The following CEBPD variants were observed in gnomAD, a reference collection of about 807,000 sequenced individuals.
The protein encoded by CEBPD is CCAAT enhancer binding protein delta, also known as CCAAT/enhancer-binding protein delta.
For missense variants in CEBPD, 410 were observed against 409.4 expected (o/e 1.00, Z -0.01); for synonymous variants, 227 against 194.8 (o/e 1.17, Z -1.38).
Position 47,737,041 on chromosome 8 carries a change from T to C in CEBPD, c.*270A>G, listed in dbSNP as rs2086262558. ...CTGAAAAGTCTGGTTTTTTTTCTTT[T>C]TACAAATGTACCTTAGCTGCATCAA... On this transcript the variant is annotated 3_prime_UTR_variant, in exon 1 of 1. Transcript: ENST00000408965. 1 of 399,608 alleles carries C rather than the reference T, an allele frequency of 2.5e-6. No homozygotes were observed. 24.8% of individuals were successfully genotyped at this position (399,608 alleles called of 1,614,324 possible).
In CEBPD at chr8:47,737,593, G is replaced by C; in HGVS notation, c.528C>G (p.Pro176=). The change falls in exon 1 of 1, where the codon CCC becomes CCG. Residue 176 remains proline, a synonymous_variant. Transcript: ENST00000408965. ...SSPRQTPAPG[P]AREKSAGKRG... is the part of the protein sequence containing the mutation. The stretch of plus-strand genomic sequence containing the variant: ...TCTTGCCGGCGCTCTTCTCCCGGGC[G>C]GGGCCGGGCGCGGGGGTCTGCCTGG... 1 of 1,476,556 alleles carries C rather than the reference G, an allele frequency of 6.8e-7. No homozygotes were observed. The highest frequency in any genetic ancestry group is 1.4e-5 in the South Asian group (1 of 73,494). The allele number at this position is 1,476,556 out of a possible 1,614,324, so 91.5% of individuals were successfully genotyped here.
In CEBPD at chr8:47,738,147, C is replaced by T. The variant is rs1392612833; in HGVS notation, c.-27G>A. 6 of 1,162,086 alleles carry T rather than the reference C, an allele frequency of 5.2e-6. No individual in the cohort carries two copies. Among genetic ancestry groups the T allele is most frequent in the Non-Finnish European group, 6.4e-6 (6 of 943,074 alleles). 72.0% of individuals were successfully genotyped at this position (1,162,086 alleles called of 1,614,324 possible). A position where few individuals can be genotyped will look rare whatever the true frequency, so the allele number is the denominator to read the frequency against. The stretch of plus-strand genomic sequence containing the variant: ...GCGGCGTCGGGCCGGGCTCTGCGTC[C>T]AAGCGAGGCTGTCACCTCGCTGGGC... On this transcript the variant is annotated 5_prime_UTR_variant, in exon 1 of 1. Transcript: ENST00000408965. The surrounding 1 kb of genome is among the most constrained non-coding windows in gnomAD (Gnocchi z 4.1).
In CEBPD at chr8:47,737,817, G is replaced by C; in HGVS notation, c.304C>G (p.Pro102Ala). Residue 102 changes from proline (P) to alanine (A), a missense_variant, in exon 1 of 1, where the codon CCC becomes GCC. Pro to Ala is a conservative substitution (Grantham distance 27, BLOSUM62 -1). Coordinates refer to ENST00000408965, the MANE Select transcript of CEBPD (RefSeq NM_005195.4). ...AGGAGPLELL[P>A]GGPARPLGPG... ...CCCAAGGGGCGCGCGGGGCCGCCGG[G>C]AAGAAGCTCCAGGGGCCCCGCGCCG... 8.6e-6 allele frequency: 12 copies of C among 1,393,292 alleles called. No individual in the cohort carries two copies. The highest frequency in any genetic ancestry group is 1.1e-5 in the Non-Finnish European group (12 of 1,075,472). The allele number at this position is 1,393,292 out of a possible 1,614,324, so 86.3% of individuals were successfully genotyped here.
Position 47,737,611 on chromosome 8 carries a change from C to A in CEBPD, c.510G>T (p.Gln170His). The change falls in exon 1 of 1, where the codon CAG becomes CAT. Residue 170 changes from glutamine (Q) to histidine (H), a missense_variant. By Grantham distance (24) the Gln-to-His change is conservative. Transcript: ENST00000408965. Reference protein sequence around the residue: ...SPEPPRSSPRQTPAPGPAREK... With the variant: ...SPEPPRSSPRHTPAPGPAREK... ...CCCGGGCGGGGCCGGGCGCGGGGGT[C>A]TGCCTGGGGCTGCTGCGCGGCGGCT... 8 of 1,339,506 alleles carry A rather than the reference C, an allele frequency of 6.0e-6. No individual in the cohort carries two copies. The highest frequency in any genetic ancestry group is 6.7e-6 in the Non-Finnish European group (7 of 1,051,006). 83.0% of individuals were successfully genotyped at this position (1,339,506 alleles called of 1,614,324 possible).
At position 47,737,619 on chromosome 8, in the gene CEBPD, G is replaced by A. The variant is rs867621033; in HGVS notation, c.502C>T (p.Pro168Ser). The change falls in exon 1 of 1, where the codon CCC becomes TCC. Residue 168 changes from proline to serine, a missense_variant. Physicochemically the swap from Pro to Ser is moderately conservative, Grantham distance 74. Coordinates refer to ENST00000408965, the MANE Select transcript of CEBPD (RefSeq NM_005195.4). Reference sequence around the variant, plus strand: ...GGGCCGGGCGCGGGGGTCTGCCTGGGGCTGCTGCGCGGCGGCTCCGGCGAC... The same window carrying A: ...GGGCCGGGCGCGGGGGTCTGCCTGGAGCTGCTGCGCGGCGGCTCCGGCGAC... Reference protein sequence around the residue: ...PTSPEPPRSSPRQTPAPGPAR... With the variant: ...PTSPEPPRSSSRQTPAPGPAR... The A allele has an allele frequency of 7.6e-7, 1 of 1,309,410 alleles. No homozygotes were observed. Among genetic ancestry groups the A allele is most frequent in the Non-Finnish European group, 9.7e-7 (1 of 1,035,028 alleles). 81.1% of individuals were successfully genotyped at this position (1,309,410 alleles called of 1,614,324 possible).
Position 47,737,700 on chromosome 8 carries a change from C to T in CEBPD, c.421G>A (p.Ala141Thr). The change falls in exon 1 of 1, where the codon GCG (alanine) becomes ACG (threonine). Residue 141 changes from alanine (A) to threonine (T), a missense_variant. Coordinates refer to ENST00000408965, the MANE Select transcript of CEBPD (RefSeq NM_005195.4). ...PGSLLPAQVA[A>T]CAQTVVSLAA... ...AAGCTCACCACGGTCTGTGCGCACG[C>T]GGCCACCTGCGCGGGCAACAGCGAG... The T allele has an allele frequency of 8.2e-7, 1 of 1,214,708 alleles. No homozygotes were observed. The highest frequency in any genetic ancestry group is 1.0e-6 in the Non-Finnish European group (1 of 979,166). 75.2% of individuals were successfully genotyped at this position (1,214,708 alleles called of 1,614,324 possible). A position where few individuals can be genotyped will look rare whatever the true frequency, so the allele number is the denominator to read the frequency against.
Position 47,737,970 on chromosome 8 carries a change from C to A in CEBPD, c.151G>T (p.Ala51Ser), listed in dbSNP as rs746849673. The part of the protein sequence containing the change: ...ALGEPGAAAP[A>S]MYDDESAIDF... Reference sequence around the variant, plus strand: ...ATGGCGCTCTCGTCGTCGTACATGGCGGGGGCGGCGGCGCCTGGCTCGCCT... The same window carrying A: ...ATGGCGCTCTCGTCGTCGTACATGGAGGGGGCGGCGGCGCCTGGCTCGCCT... The change falls in exon 1 of 1, where the codon GCC (alanine) becomes TCC (serine). Residue 51 changes from alanine (A) to serine (S), a missense_variant. Ala to Ser is a moderately conservative substitution (Grantham distance 99). Transcript: ENST00000408965. 1 of 1,474,592 alleles carries A rather than the reference C, an allele frequency of 6.8e-7. No homozygotes were observed. The highest frequency in any genetic ancestry group is 1.3e-5 in the South Asian group (1 of 74,936). 91.3% of individuals were successfully genotyped at this position (1,474,592 alleles called of 1,614,324 possible). A position where few individuals can be genotyped will look rare whatever the true frequency, so the allele number is the denominator to read the frequency against.
At position 47,737,200 on chromosome 8, in the gene CEBPD, T is replaced by C. The variant is rs912953085; in HGVS notation, c.*111A>G. The C allele has an allele frequency of 9.3e-6, 9 of 966,106 alleles. No individual in the cohort carries two copies. Among genetic ancestry groups the C allele is most frequent in the South Asian group, 1.8e-5 (1 of 55,254 alleles). The allele number at this position is 966,106 out of a possible 1,614,324, so 59.8% of individuals were successfully genotyped here. ...TTTGCGCTCCTATGTCCCAAGAAACTGCAGCGGGCACCCGGCGGCTCTGGC... is the reference window on the plus strand; with the variant it reads ...TTTGCGCTCCTATGTCCCAAGAAACCGCAGCGGGCACCCGGCGGCTCTGGC... On this transcript the variant is annotated 3_prime_UTR_variant, in exon 1 of 1. Transcript: ENST00000408965.
rs959819560 is a variant in CEBPD at position 47,737,005 on chromosome 8, A to C, written c.*306T>G. 3.7e-5 allele frequency: 13 copies of C among 352,002 alleles called. No homozygotes were observed. Among genetic ancestry groups the C allele is most frequent in the African/African-American group, 2.3e-4 (11 of 47,468 alleles). 21.8% of individuals were successfully genotyped at this position (352,002 alleles called of 1,614,324 possible). On this transcript the variant is annotated 3_prime_UTR_variant, in exon 1 of 1. Coordinates refer to ENST00000408965, the MANE Select transcript of CEBPD (RefSeq NM_005195.4). ...AGTCTTTTCCTCTTATCTACAATAC[A>C]AAGGGTTTGTCTGAAAAGTCTGGTT...
In CEBPD at chr8:47,737,675, A is replaced by G; in HGVS notation, c.446T>C (p.Leu149Ser). The part of the protein sequence containing the change: ...VAACAQTVVS[L>S]AAAGQPTPPT... Reference sequence around the variant, plus strand: ...CGGGGTGGGCTGCCCTGCGGCCGCCAAGCTCACCACGGTCTGTGCGCACGC... The same window carrying G: ...CGGGGTGGGCTGCCCTGCGGCCGCCGAGCTCACCACGGTCTGTGCGCACGC... The change falls in exon 1 of 1, where the codon TTG (leucine) becomes TCG (serine). Residue 149 changes from leucine (L) to serine (S), a missense_variant. By Grantham distance (145) the Leu-to-Ser change is moderately radical (BLOSUM62 -2). Transcript: ENST00000408965. 1 of 1,241,626 alleles carries G rather than the reference A, an allele frequency of 8.1e-7. No individual in the cohort carries two copies. The highest frequency in any genetic ancestry group is 1.0e-6 in the Non-Finnish European group (1 of 997,078). 76.9% of individuals were successfully genotyped at this position (1,241,626 alleles called of 1,614,324 possible). A position where few individuals can be genotyped will look rare whatever the true frequency, so the allele number is the denominator to read the frequency against.
chr8:47,737,491 G>A lies in CEBPD; in HGVS notation c.630C>T (p.Asp210=), dbSNP rs1335149854. ...RNNIAVRKSR[D]KAKRRNQEMQ... is the part of the protein sequence containing the mutation. ...TCTCCTGGTTGCGCCGCTTGGCCTT[G>A]TCGCGGCTCTTGCGCACGGCGATGT... is the stretch of plus-strand genomic sequence containing the variant. The change falls in exon 1 of 1, where the codon GAC becomes GAT. Residue 210 remains aspartate (D), a synonymous_variant. Coordinates refer to ENST00000408965, the MANE Select transcript of CEBPD (RefSeq NM_005195.4). The A allele has an allele frequency of 6.2e-7, 1 of 1,608,638 alleles. No individual in the cohort carries two copies.
Position 47,737,264 on chromosome 8 carries a change from G to A in CEBPD, c.*47C>T. 6.6e-7 allele frequency: 1 copy of A among 1,506,462 alleles called. No homozygotes were observed. Among genetic ancestry groups the A allele is most frequent in the South Asian group, 1.3e-5 (1 of 77,624 alleles). The allele number at this position is 1,506,462 out of a possible 1,614,324, so 93.3% of individuals were successfully genotyped here. On this transcript the variant is annotated 3_prime_UTR_variant, in exon 1 of 1. Transcript: ENST00000408965. ...GGCGCGCTCCGCTCCGGGCCGTCGG[G>A]TCTGAGGTATGGGTCGTTGCTGAGT...
Position 47,737,326 on chromosome 8 carries a change from T to G in CEBPD, c.795A>C (p.Thr265=), listed in dbSNP as rs760266535. 4.0e-5 allele frequency: 63 copies of G among 1,594,570 alleles called. No homozygotes were observed. In the Middle Eastern group the frequency reaches 6.8e-4, roughly 17 times the overall value. ...CGGCCGCGCGTTACCGGCAGTCTGC[T>G]GTCCCGGCGGCCGGCAGGAAGGGCG... is the stretch of plus-strand genomic sequence containing the variant. ...PSPPFLPAAG[T]ADCR The change falls in exon 1 of 1, where the codon ACA becomes ACC. Residue 265 remains threonine (T), a synonymous_variant. Transcript: ENST00000408965.
In CEBPD at chr8:47,737,680, C is replaced by A. The variant is rs376067725; in HGVS notation, c.441G>T (p.Val147=). ...TGGGCTGCCCTGCGGCCGCCAAGCT[C>A]ACCACGGTCTGTGCGCACGCGGCCA... ...AQVAACAQTV[V]SLAAAGQPTP... The change falls in exon 1 of 1, where the codon GTG becomes GTT. Residue 147 remains valine (V), a synonymous_variant. Coordinates refer to ENST00000408965, the MANE Select transcript of CEBPD (RefSeq NM_005195.4). 3,657 of 1,235,612 alleles carry A rather than the reference C, an allele frequency of 3.0e-3. 19 individuals are homozygous for A. Among genetic ancestry groups the A allele is most frequent in the South Asian group, 0.026 (719 of 27,650 alleles). 76.5% of individuals were successfully genotyped at this position (1,235,612 alleles called of 1,614,324 possible).
In CEBPD at chr8:47,737,831, G is replaced by T; in HGVS notation, c.290C>A (p.Pro97His). Residue 97 changes from proline (P) to histidine (H), a missense_variant, in exon 1 of 1, where the codon CCC (proline) becomes CAC (histidine). By Grantham distance (77) the Pro-to-His change is moderately conservative. Coordinates refer to ENST00000408965, the MANE Select transcript of CEBPD (RefSeq NM_005195.4). ...GGGGCCGCCGGGAAGAAGCTCCAGG[G>T]GCCCCGCGCCGCCCGCCTTGTGATT... ...NSNHKAGGAG[P>H]LELLPGGPAR... 1 of 1,448,292 alleles carries T rather than the reference G, an allele frequency of 6.9e-7. No individual in the cohort carries two copies. Among genetic ancestry groups the T allele is most frequent in the Non-Finnish European group, 9.1e-7 (1 of 1,098,936 alleles). The allele number at this position is 1,448,292 out of a possible 1,614,324, so 89.7% of individuals were successfully genotyped here. A position where few individuals can be genotyped will look rare whatever the true frequency, so the allele number is the denominator to read the frequency against.
Position 47,737,547 on chromosome 8 carries a change from G to T in CEBPD, c.574C>A (p.Pro192Thr). ...AGKRGPDRGSPEYRQRRERNN... is the reference protein window; with the variant it reads ...AGKRGPDRGSTEYRQRRERNN... The stretch of plus-strand genomic sequence containing the variant: ...CGCTCGCGCCGCTGCCGGTACTCGG[G>T]GCTGCCGCGGTCCGGGCCCCTCTTG... Residue 192 changes from proline to threonine, a missense_variant, in exon 1 of 1, where the codon CCC (proline) becomes ACC (threonine). Pro to Thr is a conservative substitution (Grantham distance 38). Coordinates refer to ENST00000408965, the MANE Select transcript of CEBPD (RefSeq NM_005195.4). The T allele has an allele frequency of 1.3e-6, 2 of 1,597,504 alleles. No homozygotes were observed. The highest frequency in any genetic ancestry group is 1.7e-6 in the Non-Finnish European group (2 of 1,174,782).
chr8:47,737,435 T>C lies in CEBPD; in HGVS notation c.686A>G (p.Glu229Gly). The C allele has an allele frequency of 6.2e-7, 1 of 1,607,520 alleles. No homozygotes were observed. Among genetic ancestry groups the C allele is most frequent in the East Asian group, 2.2e-5 (1 of 44,622 alleles). ...MQQKLVELSA[E>G]NEKLHQRVEQ... The stretch of plus-strand genomic sequence containing the variant: ...CACGCGCTGGTGCAGCTTCTCGTTC[T>C]CAGCCGACAGCTCCACCAACTTCTG... The change falls in exon 1 of 1, where the codon GAG becomes GGG. Residue 229 changes from glutamate (E) to glycine (G), a missense_variant. Physicochemically the swap from Glu to Gly is moderately conservative, Grantham distance 98. Transcript: ENST00000408965.
In CEBPD at chr8:47,737,739, C is replaced by T. The variant is rs1186674184; in HGVS notation, c.382G>A (p.Gly128Ser). Reference sequence around the variant, plus strand: ...GGCAACAGCGAGCCGGGCGCGTCGCCGTCGCCCCAGTCGGGCTCGCGCTTG... The same window carrying T: ...GGCAACAGCGAGCCGGGCGCGTCGCTGTCGCCCCAGTCGGGCTCGCGCTTG... ...LLKREPDWGD[G>S]DAPGSLLPAQ... Residue 128 changes from glycine to serine, a missense_variant, in exon 1 of 1, where the codon GGC becomes AGC. By Grantham distance (56) the Gly-to-Ser change is moderately conservative. Transcript: ENST00000408965. The T allele has an allele frequency of 8.2e-7, 1 of 1,217,196 alleles. No individual in the cohort carries two copies. The highest frequency in any genetic ancestry group is 3.4e-5 in the East Asian group (1 of 29,506). 75.4% of individuals were successfully genotyped at this position (1,217,196 alleles called of 1,614,324 possible). A position where few individuals can be genotyped will look rare whatever the true frequency, so the allele number is the denominator to read the frequency against.
Position 47,738,112 on chromosome 8 carries a change from G to C in CEBPD, c.9C>G (p.Ala3=). 1 of 1,178,324 alleles carries C rather than the reference G, an allele frequency of 8.5e-7. No homozygotes were observed. Among genetic ancestry groups the C allele is most frequent in the Non-Finnish European group, 1.0e-6 (1 of 953,924 alleles). The allele number at this position is 1,178,324 out of a possible 1,614,324, so 73.0% of individuals were successfully genotyped here. ...CCGGGCCGTCCAGGCTGAAGAGCGCGGCGCTCATGGCGGCGTCGGGCCGGG... is the reference window on the plus strand; with the variant it reads ...CCGGGCCGTCCAGGCTGAAGAGCGCCGCGCTCATGGCGGCGTCGGGCCGGG... The part of the protein sequence containing the change: MS[A]ALFSLDGPAR... The change falls in exon 1 of 1, where the codon GCC becomes GCG. Residue 3 remains alanine (A), a synonymous_variant. Transcript: ENST00000408965. The surrounding 1 kb of genome is among the most constrained non-coding windows in gnomAD (Gnocchi z 4.1).
Sources: allele counts gnomAD v4.1 joint callset, GRCh38; gene constraint gnomAD v4.1.1; non-coding constraint Gnocchi (gnomAD v3.1); transcripts MANE v1.5; gene names NCBI Gene and HGNC (gene_info 2026-07-23, HGNC 2026-07-21).